MED13L: variants seen among roughly 807,000 people sequenced by gnomAD.
MED13L encodes mediator complex subunit 13L.
A neutral mutation model predicts 220.9 loss-of-function variants in MED13L; 7 were observed. That is an observed-to-expected ratio of 0.03 (90% CI 0.02 to 0.06). The LOEUF (loss-of-function observed/expected upper bound fraction) is 0.06. MED13L is among the 10% of genes least tolerant of loss of function. The probability of loss-of-function intolerance (pLI) is 1.00; values close to 1 mark genes in which losing one functional copy is unlikely to be tolerated. For missense variants in MED13L, 1,965 were observed against 2,760.5 expected (o/e 0.71, Z 6.46); for synonymous variants, 1,011 against 1,015.2 (o/e 1.00, Z 0.08).
At chr12:116,005,829 T>G in intron 13 of MED13L, 40 bp downstream of exon 13, 1 of 1,612,334 alleles carries the variant, frequency 6.2e-7, no homozygotes, top group Non-Finnish European at 8.5e-7. Flanking sequence ...AGTCCTTTCA[T>G]GTAGCGAAAT....
At chr12:115,983,052 T>G in intron 21 of MED13L, 65 bp downstream of exon 21, 1 of 1,533,530 alleles carries the variant, frequency 6.5e-7, no homozygotes, top group Non-Finnish European at 9.0e-7. Context: ...GGAGAAAAGG[T>G]GCAGAAGAAG....
In MED13L at chr12:116,019,322, T is replaced by C. The variant is rs1433128202; in HGVS notation, c.911A>G (p.His304Arg). Reference sequence around the variant, plus strand: ...AAGCCCTTGCTGCCCAACTGCAATGTGGCCTCCAGCACTGGCAACACTCTG... The same window carrying C: ...AAGCCCTTGCTGCCCAACTGCAATGCGGCCTCCAGCACTGGCAACACTCTG... ...VPQSVASAGG[H>R]IAVGQQGLGS... is the part of the protein sequence containing the mutation. The change falls in exon 7 of 31, where the codon CAC becomes CGC. Residue 304 changes from histidine (H) to arginine (R), a missense_variant. His to Arg is a conservative substitution (Grantham distance 29). Transcript: ENST00000281928. 2.5e-6 allele frequency: 4 copies of C among 1,613,936 alleles called. No individual in the cohort carries two copies. The highest frequency in any genetic ancestry group is 3.3e-5 in the Admixed American group (2 of 59,956).
At chr12:116,066,584 A>G (rs1157342121) in intron 4 of MED13L, among the ~76,000 whole-genome samples, 1 of 152,126 alleles carries the variant, frequency 6.6e-6, no homozygotes, top group Admixed American at 6.6e-5. Context: ...TTTTGCACCA[A>G]TCTAATATAT....
chr12:116,093,309 G>C (rs1019090792), intron 4 of MED13L, among the ~76,000 whole-genome samples: 1 of 151,942 alleles, frequency 6.6e-6, no homozygotes, highest in Non-Finnish European at 1.5e-5. Flanking sequence ...CCAAGGATAT[G>C]AATAATAAAA....
At chr12:115,997,570 T>C (rs1360588028) in intron 14 of MED13L, among the ~76,000 whole-genome samples, 1 of 152,168 alleles carries the variant, frequency 6.6e-6, no homozygotes, top group Admixed American at 6.5e-5. Flanking sequence ...TATAGGCACG[T>C]GCCACCATGC....
At chr12:115,979,360 A>C (rs1332335499) in intron 23 of MED13L, among the ~76,000 whole-genome samples, 1 of 152,252 alleles carries the variant, frequency 6.6e-6, no homozygotes, top group Non-Finnish European at 1.5e-5. Context: ...TCTGGAAACA[A>C]AATAAAAAAC....
intron 16 of MED13L, among the ~76,000 whole-genome samples, chr12:115,993,163 G>T (rs1218629324): frequency 6.6e-6 from 1 of 152,104 alleles, no homozygotes; most frequent in Non-Finnish European, 1.5e-5. Context: ...TTTATATAGG[G>T]TACTTGAGCA....
chr12:116,139,221 C>T (rs1876843274), intron 2 of MED13L, among the ~76,000 whole-genome samples: 1 of 152,126 alleles, frequency 6.6e-6, no homozygotes, highest in South Asian at 2.1e-4. Flanking sequence ...CAACATTTCA[C>T]GGTTTGAAAA....
In MED13L at chr12:116,008,607, T is replaced by A; in HGVS notation, c.1806A>T (p.Val602=). 1 of 1,614,114 alleles carries A rather than the reference T, an allele frequency of 6.2e-7. No homozygotes were observed. The highest frequency in any genetic ancestry group is 8.5e-7 in the Non-Finnish European group (1 of 1,180,000). The change falls in exon 10 of 31, where the codon GTA becomes GTT. Residue 602 remains valine, a synonymous_variant. Coordinates refer to ENST00000281928, the MANE Select transcript of MED13L (RefSeq NM_015335.5). The part of the protein sequence containing the change: ...LSTLDDRTVL[V]GQRLPLMAEV... ...CTGCCATGAGAGGCAGTCTTTGGCC[T>A]ACGAGGACAGTTCTGTCATCCAGAG...
At chr12:116,276,877 G>T (rs538431217) in intron 1 of MED13L, 183 bp downstream of exon 1, 1 of 971,578 alleles carries the variant, frequency 1.0e-6, no homozygotes, top group Non-Finnish European at 1.5e-6. Flanking sequence ...ATAAACACTG[G>T]ATGGGATCCA....
At chr12:115,999,560 A>C (rs1878618057) in intron 14 of MED13L, among the ~76,000 whole-genome samples, 1 of 152,346 alleles carries the variant, frequency 6.6e-6, no homozygotes, top group East Asian at 1.9e-4. Context: ...ACATTGCCAT[A>C]AATCTTAATA....
chr12:116,000,644 T>A (rs1033006750), intron 14 of MED13L, among the ~76,000 whole-genome samples: 4 of 152,222 alleles, frequency 2.6e-5, no homozygotes, highest in African/African-American at 9.6e-5. Context: ...ACTCATACTT[T>A]AAACTGATGT....
At chr12:116,167,910 T>A (rs746505496) in intron 2 of MED13L, among the ~76,000 whole-genome samples, 6 of 152,234 alleles carry the variant, frequency 3.9e-5, no homozygotes, top group African/African-American at 1.4e-4. Context: ...TATTTAATGA[T>A]GTTTATTCAA....
intron 3 of MED13L, among the ~76,000 whole-genome samples, chr12:116,101,156 C>T (rs931119393): frequency 6.6e-6 from 1 of 152,092 alleles, no homozygotes; most frequent in Non-Finnish European, 1.5e-5. Flanking sequence ...CTTTCTGTCC[C>T]GATCAAGCCT....
At chr12:116,110,269 T>G (rs1265397900) in intron 3 of MED13L, 1 of 151,788 alleles carries the variant, frequency 6.6e-6, no homozygotes, top group Non-Finnish European at 1.5e-5. Context: ...TCTGGAAAAA[T>G]TTAAGCATCA....
intron 2 of MED13L, among the ~76,000 whole-genome samples, chr12:116,130,547 G>C (rs992032840): frequency 2.2e-4 from 33 of 152,210 alleles, no homozygotes; most frequent in African/African-American, 7.2e-4. Flanking sequence ...AGGACTTTCT[G>C]GAAAGAATGA....
At chr12:116,249,793 C>A in intron 1 of MED13L, among the ~76,000 whole-genome samples, 1 of 131,322 alleles carries the variant, frequency 7.6e-6, no homozygotes, top group Non-Finnish European at 1.7e-5. Context: ...TATTAACTAT[C>A]CAAGCTGAAA....
chr12:116,107,005 G>C (rs544774532), intron 3 of MED13L, among the ~76,000 whole-genome samples: 1 of 152,252 alleles, frequency 6.6e-6, no homozygotes, highest in Admixed American at 6.5e-5. Flanking sequence ...CACTTATTGA[G>C]CTCTTACAAT....
At chr12:116,057,958 T>G (rs1356036750) in intron 4 of MED13L, among the ~76,000 whole-genome samples, 4 of 152,154 alleles carry the variant, frequency 2.6e-5, no homozygotes, top group Admixed American at 2.6e-4. Flanking sequence ...CATTTAAAAT[T>G]TTAGGATCCA....
Sources: gnomAD v4.1 joint callset for allele counts (sites outside exome capture counted in the v4.1 genomes callset) on GRCh38, gnomAD v4.1.1 for gene constraint, MANE v1.5 for transcripts, NCBI Gene and HGNC (gene_info 2026-07-23, HGNC 2026-07-21) for gene names.